The following LMF1 variants were observed in gnomAD, a reference collection of about 807,000 sequenced individuals.
The protein encoded by LMF1 is lipase maturation factor 1.
A neutral mutation model predicts 60.6 loss-of-function variants in LMF1; 68 were observed. The observed-to-expected ratio is 1.12, with a 90% CI of 0.92 to 1.37. LMF1 has a LOEUF of 1.37. Among genes scored for constraint, LMF1 ranks in the 40% most tolerant of loss-of-function variants. LMF1 has a pLI of 0.00. For missense variants in LMF1, 948 were observed against 767.2 expected (o/e 1.24, Z -2.78); for synonymous variants, 418 against 324.7 (o/e 1.29, Z -3.09).
intron 3 of LMF1, among the ~76,000 whole-genome samples, chr16:915,012 C>T (rs942519022): frequency 1.3e-5 from 2 of 152,372 alleles, no homozygotes; most frequent in Admixed American, 6.5e-5. Context: ...GCTGCCTGCT[C>T]GGCTGGCCCA....
chr16:964,596 G>A (rs2072886039), intron 1 of LMF1, among the ~76,000 whole-genome samples: 1 of 152,158 alleles, frequency 6.6e-6, no homozygotes, highest in Non-Finnish European at 1.5e-5. Context: ...GTGGCCCGGA[G>A]AAAAGAAAAA....
intron 10 of LMF1, 26 bp from the exon 11 acceptor site, chr16:854,732 G>A (rs776704600): frequency 1.3e-6 from 2 of 1,560,456 alleles, no homozygotes; most frequent in South Asian, 1.2e-5. Flanking sequence ...TGTCAGCCCA[G>A]GGCCTGCTGG....
chr16:872,614 C>G (rs1324479411), intron 6 of LMF1: 1 of 152,322 alleles, frequency 6.6e-6, no homozygotes, highest in Non-Finnish European at 1.5e-5. Flanking sequence ...TGAGTGTGAC[C>G]AGGGCTGGTC....
intron 10 of LMF1, among the ~76,000 whole-genome samples, chr16:862,005 G>T (rs185972379): frequency 1.3e-5 from 2 of 152,224 alleles, no homozygotes; most frequent in East Asian, 3.9e-4. Context: ...AACTTGTCAC[G>T]GGCCTTCCCA....
Position 912,999 on chromosome 16 carries a change from G to A in LMF1, c.515-1920C>T, listed in dbSNP as rs535129065. 1.1e-4 allele frequency among the ~76,000 whole-genome samples: 17 copies of A among 152,300 alleles called. No homozygotes were observed. The East Asian group carries it at 3.3e-3, about 29-fold the overall frequency. ...TGCCTGAAGCGAGCCCCAGGCACCC[G>A]AACGAGGCGGCAACACGCAGGGCCA... On this transcript the variant is annotated intron_variant, in intron 3 of 10. Coordinates refer to ENST00000262301, the MANE Select transcript of LMF1 (RefSeq NM_022773.4).
intron 2 of LMF1, among the ~76,000 whole-genome samples, chr16:948,469 CAAT>C (rs2072315258): frequency 6.8e-6 from 1 of 146,100 alleles, no homozygotes; most frequent in African/African-American, 2.6e-5. Context: ...GAGTCAGAGA[CAAT>C]GACAGAGTCA....
chr16:913,369 C>T (rs765000036), intron 3 of LMF1, among the ~76,000 whole-genome samples: 2 of 152,256 alleles, frequency 1.3e-5, no homozygotes, highest in Non-Finnish European at 2.9e-5. Context: ...ACACAGACAG[C>T]GTTGGCCCAA....
intron 2 of LMF1, among the ~76,000 whole-genome samples, chr16:940,991 T>C (rs1197485984): frequency 6.6e-6 from 1 of 152,198 alleles, no homozygotes; most frequent in Non-Finnish European, 1.5e-5. Flanking sequence ...ATGTGGTGCC[T>C]TTATGTCTTT....
intron 4 of LMF1, among the ~76,000 whole-genome samples, chr16:894,120 C>T (rs1378574334): frequency 6.9e-6 from 1 of 144,886 alleles, no homozygotes; most frequent in Non-Finnish European, 1.5e-5. Flanking sequence ...CCCTGTCCAC[C>T]GGACCGTCTG....
At chr16:855,168 G>T in intron 10 of LMF1, 1 of 253,250 alleles carries the variant, frequency 3.9e-6, no homozygotes, top group Non-Finnish European at 7.8e-6. Context: ...TGGGGGTTTC[G>T]GTCCACGGGG....
intron 1 of LMF1, chr16:980,075 G>A (rs939456093): frequency 3.3e-6 from 1 of 301,036 alleles, no homozygotes; most frequent in South Asian, 3.0e-5. Flanking sequence ...CCTACGATGC[G>A]TGGAGCCTCC....
intron 10 of LMF1, chr16:855,402 CT>C (rs148912781): frequency 2.9e-6 from 1 of 343,308 alleles, no homozygotes; most frequent in East Asian, 7.7e-5. Flanking sequence ...CGCCTGACCC[CT>C]GGTGACCAGG....
At chr16:947,047 C>T (rs1298152500) in intron 2 of LMF1, among the ~76,000 whole-genome samples, 1 of 152,204 alleles carries the variant, frequency 6.6e-6, no homozygotes, top group African/African-American at 2.4e-5. Flanking sequence ...TCAGATATCA[C>T]AGACAAAGAC....
intron 3 of LMF1, among the ~76,000 whole-genome samples, chr16:912,268 T>G (rs1448301342): frequency 6.7e-6 from 1 of 149,714 alleles, no homozygotes; most frequent in Non-Finnish European, 1.5e-5. Context: ...GATGGGAGAG[T>G]GCGGAGGGGA....
intron 2 of LMF1, among the ~76,000 whole-genome samples, chr16:954,046 C>A (rs72481033): frequency 2.3e-5 from 3 of 129,778 alleles, no homozygotes; most frequent in East Asian, 2.2e-4. Flanking sequence ...GCCTCCTACA[C>A]GTCCACACAG....
intron 1 of LMF1, among the ~76,000 whole-genome samples, chr16:955,037 A>T: frequency 6.6e-6 from 1 of 150,696 alleles, no homozygotes; most frequent in Non-Finnish European, 1.5e-5. Flanking sequence ...GTGCATACAC[A>T]CACACACATC....
At chr16:886,455 C>A (rs915604330) in intron 5 of LMF1, among the ~76,000 whole-genome samples, 1 of 152,212 alleles carries the variant, frequency 6.6e-6, no homozygotes, top group South Asian at 2.1e-4. Flanking sequence ...TGCCAGGGCA[C>A]GGGCCTGGGG....
Position 878,829 on chromosome 16 carries a change from G to A in LMF1, c.897+741C>T, listed in dbSNP as rs1429686961. On this transcript the variant is annotated intron_variant, in intron 6 of 10. Transcript: ENST00000262301. This position sits in a 1 kb window ranked among gnomAD's most constrained non-coding sequence, Gnocchi z 5.2. ...TCCAGAGCACGTGGAACGCCACCTG[G>A]ACCTGTGCATTTTCCTGGCTGTATG... 6.6e-6 allele frequency among the ~76,000 whole-genome samples: 1 copy of A among 152,110 alleles called. No homozygotes were observed. Among genetic ancestry groups the A allele is most frequent in the Non-Finnish European group, 1.5e-5 (1 of 68,018 alleles).
chr16:964,111 T>C (rs2072874018), intron 1 of LMF1: 1 of 455,828 alleles, frequency 2.2e-6, no homozygotes, highest in Non-Finnish European at 4.4e-6. Flanking sequence ...ACAGCAGGCA[T>C]GGCCGATAAA....
Sources: allele counts gnomAD v4.1 joint callset (sites outside exome capture counted in the v4.1 genomes callset), GRCh38; gene constraint gnomAD v4.1.1; non-coding constraint Gnocchi (gnomAD v3.1); transcripts MANE v1.5; gene names NCBI Gene and HGNC (gene_info 2026-07-23, HGNC 2026-07-21).